TLN2: variants seen among roughly 807,000 people sequenced by gnomAD.
The protein encoded by TLN2 is talin-2.
A neutral mutation model predicts 294.7 loss-of-function variants in TLN2; 118 were observed. That is an observed-to-expected ratio of 0.40 (90% CI 0.34 to 0.47). The LOEUF is 0.47. Ranked by LOEUF, TLN2 falls within the 20% of genes least tolerant of loss-of-function variation. The pLI is 0.84. For missense variants in TLN2, 3,083 were observed against 3,282.2 expected, an observed-to-expected ratio of 0.94 and a Z score of 1.48; for synonymous variants, 1,431 against 1,304.5, an observed-to-expected ratio of 1.10 and a Z score of -2.09.
chr15:62,815,702 A>G (rs890235798), intron 52 of TLN2, among the ~76,000 whole-genome samples: 2 of 152,146 alleles, frequency 1.3e-5, no homozygotes, highest in Admixed American at 6.6e-5. Flanking sequence ...GCTGGTTTGT[A>G]TCTTTTAGTT....
intron 27 of TLN2, 85 bp from the exon 28 acceptor site, chr15:62,727,002 C>A: frequency 7.2e-7 from 1 of 1,387,760 alleles, no homozygotes; most frequent in Non-Finnish European, 9.9e-7. Context: ...AAAGTTTGAT[C>A]TGCATGATTT....
chr15:62,603,875 A>T (rs557428977), intron 2 of TLN2, among the ~76,000 whole-genome samples: 10 of 152,230 alleles, frequency 6.6e-5, no homozygotes, highest in Non-Finnish European at 2.9e-5. Context: ...GGATTTTGCA[A>T]TGTAGGCCAG....
chr15:62,727,819 T>C (rs546265122), intron 28 of TLN2, among the ~76,000 whole-genome samples: 1 of 152,312 alleles, frequency 6.6e-6, no homozygotes, highest in East Asian at 1.9e-4. Flanking sequence ...CCAAGAGGTT[T>C]CAGTATGAGC....
chr15:62,498,383 C>A (rs529835782), intron 1 of TLN2, among the ~76,000 whole-genome samples: 1 of 152,170 alleles, frequency 6.6e-6, no homozygotes, highest in East Asian at 1.9e-4. Context: ...TGGTCAGTTC[C>A]CCAAGGGTTG....
chr15:62,843,472 G>C lies in TLN2; in HGVS notation c.*2862G>C, dbSNP rs1335411321. ...TGTGCAGGCAGGTTCCTCAATTCCT[G>C]GTTGGCCCTGCAGTCGGTCAACACA... On this transcript the variant is annotated 3_prime_UTR_variant, in exon 59 of 59. Coordinates refer to ENST00000636159, the MANE Select transcript of TLN2 (RefSeq NM_015059.3). 6.6e-6 allele frequency: 1 copy of C among 152,258 alleles called. No homozygotes were observed. Among genetic ancestry groups the C allele is most frequent in the Non-Finnish European group, 1.5e-5 (1 of 68,088 alleles). The allele number at this position is 152,258 out of a possible 1,614,324, so 9.4% of individuals were successfully genotyped here.
chr15:62,501,628 A>G (rs2039312656), intron 1 of TLN2, among the ~76,000 whole-genome samples: 1 of 152,168 alleles, frequency 6.6e-6, no homozygotes, highest in African/African-American at 2.4e-5. Flanking sequence ...GTGGCTGACA[A>G]ATATTTTTTG....
In TLN2 at chr15:62,550,149, A is replaced by G. The variant is rs939661149; in HGVS notation, c.-237-39538A>G. On this transcript the variant is annotated intron_variant, in intron 1 of 58. Transcript: ENST00000636159. ...GGTCAGAGTGGTTAAGGAAGGATGG[A>G]GGAGAGCTTCCAGGTCTGAGTGGTC... 5.3e-5 allele frequency among the ~76,000 whole-genome samples: 8 copies of G among 152,078 alleles called. No individual in the cohort carries two copies. In the South Asian group the frequency reaches 1.0e-3, roughly 20 times the overall value.
At chr15:62,726,496 T>C (rs1381444112) in intron 27 of TLN2, among the ~76,000 whole-genome samples, 1 of 152,208 alleles carries the variant, frequency 6.6e-6, no homozygotes, top group Non-Finnish European at 1.5e-5. Flanking sequence ...AACATGCTGT[T>C]CATGGGAAGC....
At chr15:62,402,734 G>A (rs1001656868) in intron 1 of TLN2, among the ~76,000 whole-genome samples, 1 of 152,128 alleles carries the variant, frequency 6.6e-6, no homozygotes, top group Non-Finnish European at 1.5e-5. Context: ...TGATGACCTG[G>A]CTTATTTCAC....
Position 62,449,583 on chromosome 15 carries a change from G to T in TLN2, c.-238+58898G>T, listed in dbSNP as rs756331115. On this transcript the variant is annotated intron_variant, in intron 1 of 58. Coordinates refer to ENST00000636159, the MANE Select transcript of TLN2 (RefSeq NM_015059.3). Reference sequence around the variant, plus strand: ...CCTTGTAATCCCAGCACTTTGGGAGGCCGAGACAGGAGGGTTGCTTGAGCC... The same window carrying T: ...CCTTGTAATCCCAGCACTTTGGGAGTCCGAGACAGGAGGGTTGCTTGAGCC... Among the ~76,000 whole-genome samples, 11 of 152,178 alleles carry T rather than the reference G, an allele frequency of 7.2e-5. 1 individual carries two copies. In the Middle Eastern group the frequency reaches 0.024, roughly 329 times the overall value.
At chr15:62,657,694 G>A in intron 8 of TLN2, 77 bp from the exon 9 acceptor site, 1 of 1,553,566 alleles carries the variant, frequency 6.4e-7, no homozygotes, top group Non-Finnish European at 8.7e-7. Flanking sequence ...GGTGTACTGG[G>A]CCATGGGAAT....
At position 62,805,728 on chromosome 15, in the gene TLN2, G is replaced by A. The variant is rs1442627693; in HGVS notation, c.6606G>A (p.Val2202=). The part of the protein sequence containing the change: ...AAGNSCRQED[V]IATANLSRKA... ...GGAACTCATGTAGACAGGAGGACGTGATTGCTACTGCCAACCTGAGCCGGA... is the reference window on the plus strand; with the variant it reads ...GGAACTCATGTAGACAGGAGGACGTAATTGCTACTGCCAACCTGAGCCGGA... The change falls in exon 51 of 59, where the codon GTG becomes GTA. Residue 2202 remains valine (V), a synonymous_variant. Transcript: ENST00000636159. 1.2e-6 allele frequency: 2 copies of A among 1,614,022 alleles called. No homozygotes were observed. The highest frequency in any genetic ancestry group is 3.3e-5 in the Admixed American group (2 of 60,000).
intron 1 of TLN2, among the ~76,000 whole-genome samples, chr15:62,519,167 C>T (rs1361330828): frequency 1.3e-5 from 2 of 152,124 alleles, no homozygotes; most frequent in African/African-American, 4.8e-5. Flanking sequence ...CAGTATTGAC[C>T]ACAGATCTGG....
intron 32 of TLN2, among the ~76,000 whole-genome samples, chr15:62,743,147 A>G (rs888528179): frequency 1.3e-5 from 2 of 152,150 alleles, no homozygotes; most frequent in African/African-American, 2.4e-5. Context: ...ACAGTCCTGC[A>G]TAAAAGTGCA....
chr15:62,412,865 G>A (rs1226806339), intron 1 of TLN2, among the ~76,000 whole-genome samples: 2 of 152,168 alleles, frequency 1.3e-5, no homozygotes, highest in Non-Finnish European at 2.9e-5. Context: ...AAGCTTATTT[G>A]AGGAACTAAA....
intron 9 of TLN2, among the ~76,000 whole-genome samples, chr15:62,668,318 A>G (rs2054972200): frequency 6.6e-6 from 1 of 152,240 alleles, no homozygotes; most frequent in Non-Finnish European, 1.5e-5. Context: ...ATATGAAAAC[A>G]TCACGTTGTA....
chr15:62,471,399 C>T (rs1022393747), intron 1 of TLN2, among the ~76,000 whole-genome samples: 7 of 152,178 alleles, frequency 4.6e-5, no homozygotes, highest in Non-Finnish European at 1.0e-4. Context: ...TTGTAAGAAG[C>T]TTTAGGTCAT....
At chr15:62,614,451 A>G (rs77105109) in intron 2 of TLN2, among the ~76,000 whole-genome samples, 92 of 152,258 alleles carry the variant, frequency 6.0e-4, no homozygotes, top group African/African-American at 1.4e-3. Flanking sequence ...TAAACTTTCA[A>G]TTTTGCTGCT....
At position 62,798,893 on chromosome 15, in the gene TLN2, A is replaced by G. The variant is rs1196023274; in HGVS notation, c.6235-1475A>G. 2.2e-4 allele frequency among the ~76,000 whole-genome samples: 33 copies of G among 152,190 alleles called. 1 individual carries two copies. Among genetic ancestry groups the G allele is most frequent in the Admixed American group, 2.2e-3 (33 of 15,276 alleles). ...TTGGCTGCCTTTTGGAATTCTAAGC[A>G]TTCACAAAAACCTCCGCTACAGGTG... is the stretch of plus-strand genomic sequence containing the variant. On this transcript the variant is annotated intron_variant, in intron 48 of 58. Transcript: ENST00000636159.
Sources: gnomAD v4.1 joint callset for allele counts (sites outside exome capture counted in the v4.1 genomes callset) on GRCh38, gnomAD v4.1.1 for gene constraint, MANE v1.5 for transcripts, NCBI Gene and HGNC (gene_info 2026-07-23, HGNC 2026-07-21) for gene names.